CMPK2: variants seen among roughly 807,000 people sequenced by gnomAD.
CMPK2 encodes the protein UMP-CMP kinase 2, mitochondrial.
CMPK2 carries 32 observed loss-of-function variants against 33.4 expected under a neutral mutation model. The ratio of observed to expected loss-of-function variants is 0.96; its 90% CI spans 0.72 to 1.29. The LOEUF is 1.29. CMPK2 is among the 50% of genes most tolerant of loss of function. The pLI, the probability that CMPK2 is intolerant of heterozygous loss-of-function variation, is 0.00. For missense variants in CMPK2, 672 were observed against 616.0 expected, an observed-to-expected ratio of 1.09 and a Z score of -0.96; for synonymous variants, 299 against 275.3, an observed-to-expected ratio of 1.09 and a Z score of -0.85.
chr2:6,849,065 T>A lies in CMPK2; in HGVS notation c.*785A>T, dbSNP rs951440430. 1.0e-6 allele frequency: 1 copy of A among 984,180 alleles called. No individual in the cohort carries two copies. Among genetic ancestry groups the A allele is most frequent in the African/African-American group, 1.7e-5 (1 of 57,182 alleles). The allele number at this position is 984,180 out of a possible 1,614,324, so 61.0% of individuals were successfully genotyped here. A position where few individuals can be genotyped will look rare whatever the true frequency, so the allele number is the denominator to read the frequency against. On this transcript the variant is annotated 3_prime_UTR_variant, in exon 5 of 5. Transcript: ENST00000256722. ...TACTGGATTGGCTAAATGAAATGCATCCAGTTCAATGGAAAATGTGCATTC... is the reference window on the plus strand; with the variant it reads ...TACTGGATTGGCTAAATGAAATGCAACCAGTTCAATGGAAAATGTGCATTC...
chr2:6,844,879 G>C (rs1662319493), downstream of CMPK2, among the ~76,000 whole-genome samples: 1 of 152,204 alleles, frequency 6.6e-6, no homozygotes, highest in African/African-American at 2.4e-5. Context: ...CAGAGAACCT[G>C]TCCAAAGTTG....
rs936338615 is a variant in CMPK2 at position 6,861,473 on chromosome 2, T to C, written c.791-88A>G. 5 of 950,472 alleles carry C rather than the reference T, an allele frequency of 5.3e-6. No individual in the cohort carries two copies. The Admixed American group carries it at 1.1e-4, about 20-fold the overall frequency. 58.9% of individuals were successfully genotyped at this position (950,472 alleles called of 1,614,324 possible). On this transcript the variant is annotated intron_variant, in intron 2 of 4. Transcript: ENST00000256722. ...AAAGAGCACAGACGTTCTCTCAAAC[T>C]GCAAATGAAATGAGTAGACTAAATA... is the stretch of plus-strand genomic sequence containing the variant.
In CMPK2 at chr2:6,848,590, T is replaced by C. The variant is rs986237632; in HGVS notation, c.*1260A>G. ...ATCCTATGACATTAACATGAAACTT[T>C]ATTAGAATTTAAGATTCTATATGCA... On this transcript the variant is annotated 3_prime_UTR_variant, in exon 5 of 5. Coordinates refer to ENST00000256722, the MANE Select transcript of CMPK2 (RefSeq NM_207315.4). The C allele has an allele frequency of 1.6e-5, 15 of 957,758 alleles. No individual in the cohort carries two copies. The African/African-American group carries it at 2.5e-4, about 16-fold the overall frequency. The allele number at this position is 957,758 out of a possible 1,614,324, so 59.3% of individuals were successfully genotyped here.
chr2:6,840,618 A>G (rs765594244), exon 4 of CMPK2: 5 of 702,240 alleles, frequency 7.1e-6, no homozygotes, highest in Non-Finnish European at 1.3e-5. Context: ...TTCCAGTCCC[A>G]CAAACTTCAC....
At chr2:6,840,581 C>T (rs1558317868) in exon 4 of CMPK2, 2 of 702,230 alleles carry the variant, frequency 2.8e-6, no homozygotes, top group Admixed American at 2.0e-5. Flanking sequence ...CATTCCAGGC[C>T]TTGACTCGAG....
downstream of CMPK2, among the ~76,000 whole-genome samples, chr2:6,847,936 T>C (rs1662401389): frequency 1.3e-5 from 2 of 152,248 alleles, no homozygotes; most frequent in Admixed American, 6.5e-5. Flanking sequence ...TAATGGTCTA[T>C]CACAGGAACA....
At chr2:6,841,599 G>A (rs1041360146) in intron 3 of CMPK2, among the ~76,000 whole-genome samples, 3 of 152,142 alleles carry the variant, frequency 2.0e-5, no homozygotes, top group African/African-American at 7.2e-5. Flanking sequence ...CATCCTGAGG[G>A]CTGAAAAGTG....
At chr2:6,844,455 C>T (rs111542124), downstream of CMPK2, among the ~76,000 whole-genome samples, 16 of 152,320 alleles carry the variant, frequency 1.1e-4, no homozygotes, top group African/African-American at 2.6e-4. Context: ...TTTCTATAAA[C>T]GCTGAGAAAT....
At chr2:6,850,459 T>A (rs1436582687) in intron 4 of CMPK2, among the ~76,000 whole-genome samples, 1 of 152,196 alleles carries the variant, frequency 6.6e-6, no homozygotes, top group African/African-American at 2.4e-5. Flanking sequence ...CCTTCATGTG[T>A]ATACAGAGTG....
In CMPK2 at chr2:6,865,068, G is replaced by C; in HGVS notation, c.629C>G (p.Ser210Cys). 6.8e-7 allele frequency: 1 copy of C among 1,465,036 alleles called. No homozygotes were observed. The highest frequency in any genetic ancestry group is 9.0e-7 in the Non-Finnish European group (1 of 1,107,120). 90.8% of individuals were successfully genotyped at this position (1,465,036 alleles called of 1,614,324 possible). ...GGCTTCCCGGTCCGGGAAGACCACG[G>C]AACTGGGCAAGTCTGGCACCACCGG... ...LHPVVPDLPS[S>C]VVFPDREAAR... Residue 210 changes from serine to cysteine, a missense_variant, in exon 1 of 5, where the codon TCC becomes TGC. Ser to Cys is a moderately radical substitution (Grantham distance 112). Transcript: ENST00000256722.
chr2:6,865,218 T>C lies in CMPK2; in HGVS notation c.479A>G (p.His160Arg), dbSNP rs773984493. 1.3e-5 allele frequency: 20 copies of C among 1,535,014 alleles called. No homozygotes were observed. The highest frequency in any genetic ancestry group is 1.7e-5 in the Non-Finnish European group (20 of 1,146,316). ...CGGGTCGGCCTCGAACTCGCCCAAG[T>C]GCGGGCGTGGTGCCTCCTGACAGGC... ...LGACQEAPRP[H>R]LGEFEADPRG... Residue 160 changes from histidine to arginine, a missense_variant, in exon 1 of 5, where the codon CAC becomes CGC. Physicochemically the swap from His to Arg is conservative, Grantham distance 29. Transcript: ENST00000256722.
At chr2:6,855,929 T>A (rs913816115) in intron 3 of CMPK2, among the ~76,000 whole-genome samples, 9 of 152,160 alleles carry the variant, frequency 5.9e-5, no homozygotes, top group African/African-American at 2.2e-4. Context: ...ATAGGACAAA[T>A]CAGCTTTTCA....
In CMPK2 at chr2:6,865,603, G is replaced by A; in HGVS notation, c.94C>T (p.Arg32Cys). Residue 32 changes from arginine (R) to cysteine (C), a missense_variant, in exon 1 of 5, where the codon CGC becomes TGC. Physicochemically the swap from Arg to Cys is radical, Grantham distance 180. Coordinates refer to ENST00000256722, the MANE Select transcript of CMPK2 (RefSeq NM_207315.4). ...CAGTCGGGAAGCTCCAGGACGAAGC[G>A]GCGCGGCGGAGCCATGGCCCCAGCG... ...VCAGAMAPPR[R>C]FVLELPDCTL... The A allele has an allele frequency of 7.2e-7, 1 of 1,394,330 alleles. No homozygotes were observed. Among genetic ancestry groups the A allele is most frequent in the Non-Finnish European group, 9.3e-7 (1 of 1,074,064 alleles). 86.4% of individuals were successfully genotyped at this position (1,394,330 alleles called of 1,614,324 possible). A position where few individuals can be genotyped will look rare whatever the true frequency, so the allele number is the denominator to read the frequency against.
intron 3 of CMPK2, among the ~76,000 whole-genome samples, chr2:6,857,371 T>C (rs1183465092): frequency 2.0e-5 from 3 of 151,108 alleles, no homozygotes; most frequent in Admixed American, 2.0e-4. Context: ...TCTTGCTGTG[T>C]CATCCTCTTG....
In CMPK2 at chr2:6,865,247, C is replaced by T; in HGVS notation, c.450G>A (p.Leu150=). Residue 150 remains leucine (L), a synonymous_variant, in exon 1 of 5, where the codon CTG becomes CTA. Transcript: ENST00000256722. ...PDTRQALLEL[L]GACQEAPRPH... is the part of the protein sequence containing the mutation. ...GGCGTGGTGCCTCCTGACAGGCGCC[C>T]AGCAGCTCGAGCAGCGCTTGCCGGG... 6.5e-7 allele frequency: 1 copy of T among 1,536,890 alleles called. No homozygotes were observed. Among genetic ancestry groups the T allele is most frequent in the Non-Finnish European group, 8.7e-7 (1 of 1,149,162 alleles).
intron 3 of CMPK2, among the ~76,000 whole-genome samples, chr2:6,857,113 G>C (rs997663054): frequency 1.3e-5 from 2 of 152,136 alleles, no homozygotes; most frequent in African/African-American, 2.4e-5. Context: ...ATCATATGAA[G>C]AAACCTTTAG....
At chr2:6,841,374 G>A (rs754784502) in intron 3 of CMPK2, among the ~76,000 whole-genome samples, 4 of 152,092 alleles carry the variant, frequency 2.6e-5, no homozygotes, top group Non-Finnish European at 4.4e-5. Flanking sequence ...CTGGGGATGG[G>A]GAGATGCCAT....
In CMPK2 at chr2:6,849,109, A is replaced by G; in HGVS notation, c.*741T>C. On this transcript the variant is annotated 3_prime_UTR_variant, in exon 5 of 5. Transcript: ENST00000256722. ...TGCATTCTATTCAGAGCCATACTTT[A>G]GAAAAAAAGAAAAGAAATATAAATA... is the stretch of plus-strand genomic sequence containing the variant. 1.0e-6 allele frequency: 1 copy of G among 983,780 alleles called. No homozygotes were observed. The highest frequency in any genetic ancestry group is 1.2e-6 in the Non-Finnish European group (1 of 828,330). The allele number at this position is 983,780 out of a possible 1,614,324, so 60.9% of individuals were successfully genotyped here.
chr2:6,846,986 G>A (rs1662377334), downstream of CMPK2, among the ~76,000 whole-genome samples: 1 of 152,210 alleles, frequency 6.6e-6, no homozygotes, highest in Non-Finnish European at 1.5e-5. Flanking sequence ...ATTAAGGAGT[G>A]CAGACAACAA....
Sources: gnomAD v4.1 joint callset for allele counts (sites outside exome capture counted in the v4.1 genomes callset) on GRCh38, gnomAD v4.1.1 for gene constraint, MANE v1.5 for transcripts, NCBI Gene and HGNC (gene_info 2026-07-23, HGNC 2026-07-21) for gene names.